The following MACROD2 variants were observed in gnomAD, a reference collection of about 807,000 sequenced individuals.
MACROD2 encodes the protein mono-ADP ribosylhydrolase 2.
MACROD2 carries 36 observed loss-of-function variants against 70.4 expected under a neutral mutation model. The ratio of observed to expected loss-of-function variants is 0.51; its 90% CI spans 0.39 to 0.68. MACROD2 has a LOEUF of 0.68. Ranked by LOEUF, MACROD2 falls within the 30% of genes least tolerant of loss-of-function variation. The pLI is 0.00. For missense variants in MACROD2, 496 were observed against 538.4 expected (o/e 0.92, Z 0.78); for synonymous variants, 172 against 178.8 (o/e 0.96, Z 0.30).
At chr20:15,831,495 A>C (rs893936623) in intron 8 of MACROD2, among the ~76,000 whole-genome samples, 2 of 152,188 alleles carry the variant, frequency 1.3e-5, no homozygotes, top group African/African-American at 2.4e-5. Context: ...TGTATGCAGA[A>C]TGTCTTTGCT....
intron 10 of MACROD2, among the ~76,000 whole-genome samples, chr20:15,930,868 A>C (rs1340142376): frequency 6.6e-6 from 1 of 152,160 alleles, no homozygotes; most frequent in Non-Finnish European, 1.5e-5. Context: ...ATTTACAACT[A>C]TTAGAACCAA....
At chr20:14,050,729 G>C (rs1278732217) in intron 2 of MACROD2, among the ~76,000 whole-genome samples, 1 of 152,242 alleles carries the variant, frequency 6.6e-6, no homozygotes, top group African/African-American at 2.4e-5. Flanking sequence ...TTCAAATCAG[G>C]CCATTGTGAA....
chr20:15,262,268 T>C (rs2077256397), intron 6 of MACROD2, among the ~76,000 whole-genome samples: 1 of 152,052 alleles, frequency 6.6e-6, no homozygotes, highest in African/African-American at 2.4e-5. Context: ...TTTTAATTTT[T>C]AGCTCCCACA....
At chr20:14,848,108 T>C (rs2073161985) in intron 5 of MACROD2, among the ~76,000 whole-genome samples, 1 of 152,258 alleles carries the variant, frequency 6.6e-6, no homozygotes, top group Non-Finnish European at 1.5e-5. Context: ...CCAGAGCTTT[T>C]AGTTTCTCTA....
At chr20:15,730,667 G>C (rs1284064681) in intron 8 of MACROD2, among the ~76,000 whole-genome samples, 3 of 151,702 alleles carry the variant, frequency 2.0e-5, no homozygotes, top group Admixed American at 6.6e-5. Context: ...GTGTTTTGGG[G>C]ATAGTTCTCT....
At chr20:15,520,350 G>A (rs2146528638) in intron 8 of MACROD2, among the ~76,000 whole-genome samples, 1 of 152,320 alleles carries the variant, frequency 6.6e-6, no homozygotes, top group South Asian at 2.1e-4. Context: ...GTTATGGCAT[G>A]GAGACCTTCC....
intron 8 of MACROD2, among the ~76,000 whole-genome samples, chr20:15,600,754 GGTTTGTGGAGA>G (rs2048808628): frequency 6.6e-6 from 1 of 152,178 alleles, no homozygotes; most frequent in Non-Finnish European, 1.5e-5. Flanking sequence ...GCAATCAGCA[GGTTTGTGGAGA>G]ATATGCTGAT....
chr20:14,142,964 T>C (rs2054896829), intron 3 of MACROD2, among the ~76,000 whole-genome samples: 1 of 152,192 alleles, frequency 6.6e-6, no homozygotes, highest in Non-Finnish European at 1.5e-5. Context: ...TGTACATGCA[T>C]GCACACACAC....
chr20:14,943,247 A>G (rs1300155195), intron 5 of MACROD2, among the ~76,000 whole-genome samples: 1 of 152,170 alleles, frequency 6.6e-6, no homozygotes, highest in Non-Finnish European at 1.5e-5. Flanking sequence ...CTGATGAGAC[A>G]GTGTTATCAT....
chr20:14,134,547 C>T (rs2054764909), intron 3 of MACROD2, among the ~76,000 whole-genome samples: 1 of 152,128 alleles, frequency 6.6e-6, no homozygotes, highest in Non-Finnish European at 1.5e-5. Flanking sequence ...TGGCCCACGC[C>T]TGTAATCCCA....
At chr20:14,565,192 G>T (rs1438461075) in intron 4 of MACROD2, among the ~76,000 whole-genome samples, 1 of 151,834 alleles carries the variant, frequency 6.6e-6, no homozygotes, top group Non-Finnish European at 1.5e-5. Flanking sequence ...ATGGTGGGAA[G>T]ATGGGAAGGT....
chr20:14,207,058 A>G (rs1257477052), intron 3 of MACROD2, among the ~76,000 whole-genome samples: 1 of 152,164 alleles, frequency 6.6e-6, no homozygotes, highest in African/African-American at 2.4e-5. Context: ...GATACACACT[A>G]AAGTAAATAT....
chr20:14,082,177 C>CTTT (rs66918191), intron 2 of MACROD2, among the ~76,000 whole-genome samples: 4,789 of 93,198 alleles, frequency 0.051, 654 homozygotes, highest in African/African-American at 0.14. Context: ...CTTTTTTTTT[C>CTTT]TTTTTTTTTT....
chr20:14,923,719 G>A (rs944331847), intron 5 of MACROD2, among the ~76,000 whole-genome samples: 8 of 149,496 alleles, frequency 5.4e-5, no homozygotes, highest in South Asian at 2.1e-4. Context: ...GATAGGTGAC[G>A]GCACGGGCCT....
chr20:14,214,964 TTATA>T (rs775088155), intron 3 of MACROD2, among the ~76,000 whole-genome samples: 1 of 149,076 alleles, frequency 6.7e-6, no homozygotes. Context: ...TAGTGTTCCA[TTATA>T]TATATATATA....
chr20:15,264,862 T>A (rs2077279122), intron 6 of MACROD2, among the ~76,000 whole-genome samples: 1 of 151,808 alleles, frequency 6.6e-6, no homozygotes, highest in African/African-American at 2.4e-5. Flanking sequence ...AAGAGGATAG[T>A]GAGATGGACA....
At chr20:15,775,197 C>T (rs2051701356) in intron 8 of MACROD2, among the ~76,000 whole-genome samples, 1 of 152,078 alleles carries the variant, frequency 6.6e-6, no homozygotes, top group South Asian at 2.1e-4. Flanking sequence ...ATGCACAGAT[C>T]CAGCGGAGCT....
At chr20:14,151,716 A>T in intron 3 of MACROD2, among the ~76,000 whole-genome samples, 1 of 152,076 alleles carries the variant, frequency 6.6e-6, no homozygotes, top group Non-Finnish European at 1.5e-5. Flanking sequence ...TTGTCTCCAA[A>T]GCTGATTCCA....
chr20:14,087,898 T>G (rs745972641), intron 3 of MACROD2, among the ~76,000 whole-genome samples: 2 of 152,114 alleles, frequency 1.3e-5, no homozygotes, highest in Admixed American at 6.6e-5. Flanking sequence ...TGTGTATATA[T>G]ACATAAGAGA....
Sources: gnomAD v4.1 joint callset for allele counts (sites outside exome capture counted in the v4.1 genomes callset) on GRCh38, gnomAD v4.1.1 for gene constraint, MANE v1.5 for transcripts, NCBI Gene and HGNC (gene_info 2026-07-23, HGNC 2026-07-21) for gene names.